LRFN2: variants seen among roughly 807,000 people sequenced by gnomAD.
The protein encoded by LRFN2 is leucine-rich repeat and fibronectin type-III domain-containing protein 2.
In LRFN2, 18 loss-of-function variants were observed where a neutral mutation model predicts 37.3. The observed-to-expected ratio is 0.48, with a 90% confidence interval of 0.33 to 0.72. The LOEUF (loss-of-function observed/expected upper bound fraction) is 0.72, where lower values mean the gene tolerates loss of function less well. Among genes scored for constraint, LRFN2 ranks in the 30% least tolerant of loss-of-function variants. The pLI, the probability that LRFN2 is intolerant of heterozygous loss-of-function variation, is 0.02. For missense variants in LRFN2, 1,006 were observed against 1,060.7 expected, an observed-to-expected ratio of 0.95 and a Z score of 0.72; for synonymous variants, 556 against 466.6, an observed-to-expected ratio of 1.19 and a Z score of -2.47.
At chr6:40,426,667 T>G (rs945521122) in intron 2 of LRFN2, among the ~76,000 whole-genome samples, 4 of 152,178 alleles carry the variant, frequency 2.6e-5, no homozygotes, top group Non-Finnish European at 4.4e-5. Context: ...GTGTATGTCT[T>G]TTCCTCTTTT....
chr6:40,586,582 T>C (rs1400348315), intron 1 of LRFN2, among the ~76,000 whole-genome samples: 1 of 151,912 alleles, frequency 6.6e-6, no homozygotes, highest in Admixed American at 6.6e-5. Context: ...TGTGCGGAGA[T>C]GCAACAGAGT....
chr6:40,555,682 C>G (rs1278705958), intron 1 of LRFN2, among the ~76,000 whole-genome samples: 3 of 152,122 alleles, frequency 2.0e-5, no homozygotes, highest in Admixed American at 2.0e-4. Flanking sequence ...CTGCTTCTCT[C>G]CTGTCCTCCC....
chr6:40,533,928 A>G (rs1766400487), intron 1 of LRFN2, among the ~76,000 whole-genome samples: 1 of 152,232 alleles, frequency 6.6e-6, no homozygotes, highest in South Asian at 2.1e-4. Context: ...CAAGTGTGCC[A>G]AATTCACCGG....
intron 2 of LRFN2, among the ~76,000 whole-genome samples, chr6:40,424,664 T>C (rs1421217827): frequency 6.6e-6 from 1 of 152,150 alleles, no homozygotes; most frequent in Non-Finnish European, 1.5e-5. Context: ...TTCCTCCCTG[T>C]CCACCCCTAT....
At chr6:40,561,462 A>G (rs959236473) in intron 1 of LRFN2, among the ~76,000 whole-genome samples, 2 of 152,186 alleles carry the variant, frequency 1.3e-5, no homozygotes, top group South Asian at 2.1e-4. Context: ...CACTGTTTCT[A>G]TGGCTGCCGG....
At chr6:40,561,707 C>A (rs1010923482) in intron 1 of LRFN2, among the ~76,000 whole-genome samples, 3 of 152,202 alleles carry the variant, frequency 2.0e-5, no homozygotes, top group Admixed American at 1.3e-4. Flanking sequence ...GAGGCACAGC[C>A]TTTTTAGATA....
chr6:40,401,140 A>C, intron 2 of LRFN2, among the ~76,000 whole-genome samples: 1 of 142,856 alleles, frequency 7.0e-6, no homozygotes, highest in Non-Finnish European at 1.6e-5. Context: ...AGGAATAGGA[A>C]TGGGAATGGA....
chr6:40,518,326 T>C (rs936028185), intron 1 of LRFN2, among the ~76,000 whole-genome samples: 2 of 152,198 alleles, frequency 1.3e-5, no homozygotes, highest in Non-Finnish European at 2.9e-5. Flanking sequence ...AATGAGTTCT[T>C]CCAACACCTC....
At chr6:40,475,386 G>A (rs186604445) in intron 1 of LRFN2, among the ~76,000 whole-genome samples, 1 of 152,218 alleles carries the variant, frequency 6.6e-6, no homozygotes, top group Admixed American at 6.5e-5. Context: ...CTAGAGACAA[G>A]CACCGTCTGT....
At chr6:40,464,013 T>C (rs957665914) in intron 1 of LRFN2, among the ~76,000 whole-genome samples, 2 of 152,162 alleles carry the variant, frequency 1.3e-5, no homozygotes, top group African/African-American at 4.8e-5. Flanking sequence ...TGTCCTTCAG[T>C]GTTAACTCGG....
intron 2 of LRFN2, among the ~76,000 whole-genome samples, chr6:40,400,480 G>T (rs958454608): frequency 1.3e-5 from 2 of 148,450 alleles, no homozygotes; most frequent in African/African-American, 2.5e-5. Flanking sequence ...GAGTGCAATG[G>T]CATGATCTTG....
chr6:40,472,100 G>A (rs77390418), intron 1 of LRFN2, among the ~76,000 whole-genome samples: 2,586 of 152,274 alleles, frequency 0.017, 33 homozygotes, highest in East Asian at 0.025. Flanking sequence ...CGGAAATAAA[G>A]ACAATCAGGT....
chr6:40,423,592 T>A (rs1763279519), intron 2 of LRFN2, among the ~76,000 whole-genome samples: 1 of 152,186 alleles, frequency 6.6e-6, no homozygotes, highest in Non-Finnish European at 1.5e-5. Flanking sequence ...GATGGAGTTG[T>A]GTGGATGTGC....
At chr6:40,514,029 T>A (rs1480605523) in intron 1 of LRFN2, among the ~76,000 whole-genome samples, 1 of 151,478 alleles carries the variant, frequency 6.6e-6, no homozygotes, top group Non-Finnish European at 1.5e-5. Flanking sequence ...CTAAAATGTC[T>A]CAGCACTATC....
At position 40,501,850 on chromosome 6, in the gene LRFN2, G is replaced by A. The variant is rs1037244201; in HGVS notation, c.-18-68719C>T. On this transcript the variant is annotated intron_variant, in intron 1 of 2. Coordinates refer to ENST00000338305, the MANE Select transcript of LRFN2 (RefSeq NM_020737.3). ...CATGGAATCAGAGATCTGAGCCCAC[G>A]GGGAGTGGAGCCAAACAGGGAGCAG... 9.2e-5 allele frequency: 14 copies of A among 152,238 alleles called. No homozygotes were observed. In the East Asian group the frequency reaches 9.7e-4, roughly 11 times the overall value. The allele number at this position is 152,238 out of a possible 1,614,324, so 9.4% of individuals were successfully genotyped here.
intron 1 of LRFN2, among the ~76,000 whole-genome samples, chr6:40,486,674 G>A (rs143831927): frequency 5.3e-5 from 8 of 152,268 alleles, no homozygotes; most frequent in South Asian, 2.1e-4. Context: ...AGGGATTTAC[G>A]CAGTGAAAGC....
At chr6:40,532,861 T>A (rs1029665656) in intron 1 of LRFN2, among the ~76,000 whole-genome samples, 4 of 152,282 alleles carry the variant, frequency 2.6e-5, no homozygotes, top group Non-Finnish European at 5.9e-5. Flanking sequence ...CTGAACACAA[T>A]ACAATGATAA....
At chr6:40,515,361 A>T (rs991396511) in intron 1 of LRFN2, among the ~76,000 whole-genome samples, 4 of 152,196 alleles carry the variant, frequency 2.6e-5, no homozygotes, top group Non-Finnish European at 5.9e-5. Flanking sequence ...AGACAAAATG[A>T]GCAGAATACA....
intron 2 of LRFN2, among the ~76,000 whole-genome samples, chr6:40,430,781 G>A (rs1001694382): frequency 6.6e-6 from 1 of 152,174 alleles, no homozygotes; most frequent in African/African-American, 2.4e-5. Context: ...TTCAGCACAG[G>A]TGAGAGGGCT....
Sources: gnomAD v4.1 joint callset for allele counts (sites outside exome capture counted in the v4.1 genomes callset) on GRCh38, gnomAD v4.1.1 for gene constraint, MANE v1.5 for transcripts, NCBI Gene and HGNC (gene_info 2026-07-23, HGNC 2026-07-21) for gene names.